PITPNM2: variants seen among roughly 807,000 people sequenced by gnomAD.
The protein encoded by PITPNM2 is membrane-associated phosphatidylinositol transfer protein 2.
A neutral mutation model predicts 132.2 loss-of-function variants in PITPNM2; 35 were observed. The ratio of observed to expected loss-of-function variants is 0.26; its 90% confidence interval spans 0.20 to 0.35. The LOEUF (loss-of-function observed/expected upper bound fraction) is 0.35. Ranked by LOEUF, PITPNM2 falls within the 10% of genes least tolerant of loss-of-function variation. PITPNM2 has a pLI of 1.00. For missense variants in PITPNM2, 1,332 were observed against 1,912.0 expected (o/e 0.70, Z 5.66); for synonymous variants, 738 against 799.2 (o/e 0.92, Z 1.29).
intron 2 of PITPNM2, among the ~76,000 whole-genome samples, chr12:123,040,413 A>T (rs996843163): frequency 1.3e-5 from 2 of 152,182 alleles, no homozygotes; most frequent in Non-Finnish European, 2.9e-5. Flanking sequence ...ACCACAATTT[A>T]AAAAAATCAA....
chr12:123,002,494 C>G (rs749005386), intron 8 of PITPNM2, among the ~76,000 whole-genome samples: 15 of 152,152 alleles, frequency 9.9e-5, no homozygotes, highest in Non-Finnish European at 1.9e-4. Context: ...CTTACTGCAG[C>G]CTTGACCTCC....
In PITPNM2 at chr12:123,023,234, C is replaced by T. The variant is rs1268955019; in HGVS notation, c.79-9192G>A. Among the ~76,000 whole-genome samples, 2 of 152,230 alleles carry T rather than the reference C, an allele frequency of 1.3e-5. No individual in the cohort carries two copies. Among genetic ancestry groups the T allele is most frequent in the African/African-American group, 2.4e-5 (1 of 41,460 alleles). ...GGCGCAGGGAACTGAGGGCTGTGCT[C>T]CCTGTGAGGGGCTCACTGAAGCTGC... is the stretch of plus-strand genomic sequence containing the variant. On this transcript the variant is annotated intron_variant, in intron 3 of 25. Transcript: ENST00000320201. The surrounding 1 kb of genome is among the most constrained non-coding windows in gnomAD (Gnocchi z 4.8).
intron 1 of PITPNM2, among the ~76,000 whole-genome samples, chr12:123,141,046 T>C (rs2043495521): frequency 1.3e-5 from 2 of 151,558 alleles, no homozygotes; most frequent in Non-Finnish European, 2.9e-5. Context: ...TACTGATGGA[T>C]TTTTTAAAAC....
At position 123,058,353 on chromosome 12, in the gene PITPNM2, C is replaced by A. The variant is rs976702864; in HGVS notation, c.-95-23668G>T. 6.6e-6 allele frequency among the ~76,000 whole-genome samples: 1 copy of A among 152,226 alleles called. No individual in the cohort carries two copies. The highest frequency in any genetic ancestry group is 1.9e-4 in the East Asian group (1 of 5,198). On this transcript the variant is annotated intron_variant, in intron 2 of 25. Transcript: ENST00000320201. The surrounding 1 kb of genome is among the most constrained non-coding windows in gnomAD (Gnocchi z 4.0). ...GCCTCCATCCCTTTTGATTCTGGCC[C>A]TCACCAGCACTCCCTGGGTGTCAGA...
chr12:123,043,002 G>A (rs2040546362), intron 2 of PITPNM2, among the ~76,000 whole-genome samples: 1 of 152,072 alleles, frequency 6.6e-6, no homozygotes, highest in African/African-American at 2.4e-5. Context: ...CTGTGTCCTG[G>A]AGCTGAAAGC....
intron 1 of PITPNM2, among the ~76,000 whole-genome samples, chr12:123,138,790 A>G (rs374766596): frequency 2.0e-5 from 3 of 152,214 alleles, no homozygotes; most frequent in Non-Finnish European, 4.4e-5. Context: ...TGAATATACT[A>G]TATAACACTG....
At chr12:123,127,974 G>C (rs1566304020) in intron 1 of PITPNM2, among the ~76,000 whole-genome samples, 1 of 152,000 alleles carries the variant, frequency 6.6e-6, no homozygotes, top group Admixed American at 6.6e-5. Context: ...TAAAGAGAGA[G>C]AAGGCATGCT....
rs550055808 is a variant in PITPNM2, at chr12:123,130,290, G to T, written c.-199-19802C>A. Among the ~76,000 whole-genome samples the T allele has an allele frequency of 1.3e-4, 20 of 152,152 alleles. No individual in the cohort carries two copies. In the South Asian group the frequency reaches 3.9e-3, roughly 30 times the overall value. On this transcript the variant is annotated intron_variant, in intron 1 of 25. Transcript: ENST00000320201. Reference sequence around the variant, plus strand: ...AGTCCTGCCTTGTGTGGGACGGAAGGGCACACTTTCCTGGCCCACAATTAT... The same window carrying T: ...AGTCCTGCCTTGTGTGGGACGGAAGTGCACACTTTCCTGGCCCACAATTAT...
At chr12:123,060,684 C>A (rs1387318416) in intron 2 of PITPNM2, among the ~76,000 whole-genome samples, 1 of 152,198 alleles carries the variant, frequency 6.6e-6, no homozygotes, top group Non-Finnish European at 1.5e-5. Context: ...AAGGAGGGTA[C>A]CAAGTCAGAG....
At chr12:123,071,268 C>G (rs1349420626) in intron 2 of PITPNM2, among the ~76,000 whole-genome samples, 1 of 152,242 alleles carries the variant, frequency 6.6e-6, no homozygotes, top group East Asian at 1.9e-4. Context: ...CCTGCTCTTT[C>G]TGGGTCCAGG....
chr12:123,138,864 A>G (rs1593035324), intron 1 of PITPNM2, among the ~76,000 whole-genome samples: 1 of 152,218 alleles, frequency 6.6e-6, no homozygotes, highest in East Asian at 1.9e-4. Flanking sequence ...CAGGCTGGGC[A>G]CAGTGATTCA....
At position 122,987,637 on chromosome 12, in the gene PITPNM2, T is replaced by C. The variant is rs1327755827; in HGVS notation, c.3137A>G (p.Gln1046Arg). 6.2e-7 allele frequency: 1 copy of C among 1,613,394 alleles called. No individual in the cohort carries two copies. The highest frequency in any genetic ancestry group is 8.5e-7 in the Non-Finnish European group (1 of 1,179,772). The change falls in exon 22 of 26, where the codon CAG (glutamine) becomes CGG (arginine). Residue 1046 changes from glutamine to arginine, a missense_variant. Gln to Arg is a conservative substitution (Grantham distance 43). Coordinates refer to ENST00000320201, the MANE Select transcript of PITPNM2 (RefSeq NM_020845.3). ...GEKVDVHIMT[Q>R]PPSGEWLYLD... ...GTAGAGCCACTCGCCTGAGGGCGGCTGGGTCATGATGTGCACATCCACCTG... is the reference window on the plus strand; with the variant it reads ...GTAGAGCCACTCGCCTGAGGGCGGCCGGGTCATGATGTGCACATCCACCTG...
intron 1 of PITPNM2, among the ~76,000 whole-genome samples, chr12:123,137,318 A>G (rs1289591836): frequency 1.3e-5 from 2 of 152,084 alleles, no homozygotes; most frequent in East Asian, 1.9e-4. Context: ...GAACCTCTTC[A>G]GGAAAGGGGG....
intron 4 of PITPNM2, among the ~76,000 whole-genome samples, 196 bp downstream of exon 4, chr12:123,013,632 C>T (rs1454149664): frequency 6.6e-6 from 1 of 152,200 alleles, no homozygotes; most frequent in Non-Finnish European, 1.5e-5. Flanking sequence ...AGGGGTATAT[C>T]CTTCCCTCTC....
intron 2 of PITPNM2, among the ~76,000 whole-genome samples, chr12:123,044,581 A>G (rs2136571549): frequency 6.6e-6 from 1 of 152,290 alleles, no homozygotes; most frequent in African/African-American, 2.4e-5. Context: ...AACTGGTGAT[A>G]AGCCCTTGTG....
chr12:123,002,990 C>T (rs145115835), intron 8 of PITPNM2, among the ~76,000 whole-genome samples: 2,208 of 152,298 alleles, frequency 0.014, 40 homozygotes, highest in African/African-American at 0.049. Context: ...CCACCTGCCT[C>T]AGCCTCCCAA....
intron 2 of PITPNM2, among the ~76,000 whole-genome samples, chr12:123,038,744 G>C (rs114316438): frequency 1.8e-3 from 266 of 151,832 alleles, no homozygotes; most frequent in African/African-American, 6.3e-3. Flanking sequence ...ATCTTGGGGA[G>C]ATGAGGTGGG....
At chr12:123,088,277 CAA>C (rs1232074653) in intron 2 of PITPNM2, 2 of 152,146 alleles carry the variant, frequency 1.3e-5, no homozygotes, top group Admixed American at 6.6e-5. Flanking sequence ...TAAGTTTCTA[CAA>C]AGAGGTCCTT....
In PITPNM2 at chr12:123,150,630, TC is replaced by T. The variant is rs1483699405; in HGVS notation, c.-200+122del. Among the ~76,000 whole-genome samples the T allele has an allele frequency of 7.0e-6, 1 of 142,408 alleles. No individual in the cohort carries two copies. The highest frequency in any genetic ancestry group is 2.2e-4 in the East Asian group (1 of 4,628). 93.4% of individuals were successfully genotyped at this position (142,408 alleles called of 152,430 possible). ...CTCCAGCCCCCGGCGGGCTGGAGGC[TC>T]GGCGGGCGGGCGGGCCGGGGCCTCT... On this transcript the variant is annotated intron_variant, in intron 1 of 25. Coordinates refer to ENST00000320201, the MANE Select transcript of PITPNM2 (RefSeq NM_020845.3). This position sits in a 1 kb window ranked among gnomAD's most constrained non-coding sequence, Gnocchi z 6.0.
Sources: allele counts gnomAD v4.1 joint callset (sites outside exome capture counted in the v4.1 genomes callset), GRCh38; gene constraint gnomAD v4.1.1; non-coding constraint Gnocchi (gnomAD v3.1); transcripts MANE v1.5; gene names NCBI Gene and HGNC (gene_info 2026-07-23, HGNC 2026-07-21).